TRPM4: variants seen among roughly 807,000 people sequenced by gnomAD.
TRPM4 encodes the protein calcium-activated non-selective cation channel 1.
TRPM4 carries 124 observed loss-of-function variants against 135.6 expected under a neutral mutation model. The ratio of observed to expected loss-of-function variants is 0.91; its 90% CI spans 0.79 to 1.06. The LOEUF is 1.06. Among genes scored for constraint, TRPM4 ranks in the 50% least tolerant of loss-of-function variants. TRPM4 has a pLI of 0.00. For missense variants in TRPM4, 1,658 were observed against 1,671.4 expected, an observed-to-expected ratio of 0.99 and a Z score of 0.14; for synonymous variants, 745 against 705.6, an observed-to-expected ratio of 1.06 and a Z score of -0.88.
chr19:49,188,705 AG>A lies in TRPM4; in HGVS notation c.1809del (p.Glu603AspfsTer34). ...CTGCTCCGGGTGATGGCACGCCTGG[AG>A]CCTGACGCTGAGGAGGCAGCACGGA... ...CLLLRVMARL[E>X]PDAEEAARRK... On this transcript the variant is annotated frameshift_variant, in exon 13 of 25. Coordinates refer to ENST00000252826, the MANE Select transcript of TRPM4 (RefSeq NM_017636.4). LOFTEE classifies it high-confidence loss of function. 2.5e-6 allele frequency: 4 copies of A among 1,614,012 alleles called. No individual in the cohort carries two copies. Among genetic ancestry groups the A allele is most frequent in the Non-Finnish European group, 3.4e-6 (4 of 1,180,020 alleles).
intron 20 of TRPM4, among the ~76,000 whole-genome samples, chr19:49,204,035 G>A (rs10406068): frequency 0.086 from 13,157 of 152,182 alleles, 550 homozygotes; most frequent in African/African-American, 0.12. Context: ...CACGAGAGTC[G>A]CTTGAACCCA....
In TRPM4 at chr19:49,171,982, A is replaced by G. The variant is rs757309027; in HGVS notation, c.1051-27A>G. 6.3e-7 allele frequency: 1 copy of G among 1,587,584 alleles called. No homozygotes were observed. On this transcript the variant is annotated intron_variant, in intron 8 of 24. Coordinates refer to ENST00000252826, the MANE Select transcript of TRPM4 (RefSeq NM_017636.4). This position sits in a 1 kb window ranked among gnomAD's most constrained non-coding sequence, Gnocchi z 4.7. ...CAGGAGTTGGGGATGGAGGCGGGCT[A>G]GGGATGCAGAACTGGCTATTCCACA...
At chr19:49,204,311 A>T (rs1969065771) in intron 20 of TRPM4, among the ~76,000 whole-genome samples, 1 of 152,164 alleles carries the variant, frequency 6.6e-6, no homozygotes, top group Non-Finnish European at 1.5e-5. Flanking sequence ...AATTCTATGT[A>T]TAGCTTTTTG....
At chr19:49,181,190 A>C (rs1048129523) in intron 9 of TRPM4, among the ~76,000 whole-genome samples, 159 bp from the exon 10 acceptor site, 1 of 152,170 alleles carries the variant, frequency 6.6e-6, no homozygotes, top group Non-Finnish European at 1.5e-5. Flanking sequence ...CCTTATGCCT[A>C]TGATAGCCTG....
chr19:49,168,942 T>C (rs1967346202), intron 6 of TRPM4, among the ~76,000 whole-genome samples: 1 of 151,606 alleles, frequency 6.6e-6, no homozygotes, highest in Non-Finnish European at 1.5e-5. Flanking sequence ...GAGGCCGAGG[T>C]AGGAGGATTG....
intron 17 of TRPM4, among the ~76,000 whole-genome samples, chr19:49,198,363 C>T (rs938226756): frequency 9.2e-5 from 14 of 152,140 alleles, no homozygotes; most frequent in African/African-American, 2.2e-4. Flanking sequence ...AAGGGAGAAA[C>T]GGGCCTGGCG....
In TRPM4 at chr19:49,184,452, CTTTTTTTT is replaced by C. The variant is rs67748057; in HGVS notation, c.1743+1259_1743+1266del. ...TTTGGTTCATTTCTGTCTCTGTAGTCTTTTTTTTTTTTTTTTTTTTTTTTTTGAGACAG... is the reference window on the plus strand; with the variant it reads ...TTTGGTTCATTTCTGTCTCTGTAGTCTTTTTTTTTTTTTTTTTTGAGACAG... On this transcript the variant is annotated intron_variant, in intron 12 of 24. Transcript: ENST00000252826. 2.3e-3 allele frequency among the ~76,000 whole-genome samples: 104 copies of C among 45,518 alleles called. No homozygotes were observed. In the South Asian group the frequency reaches 0.03, roughly 13 times the overall value. The allele number at this position is 45,518 out of a possible 152,430, so 29.9% of individuals were successfully genotyped here. A position where few individuals can be genotyped will look rare whatever the true frequency, so the allele number is the denominator to read the frequency against.
At chr19:49,188,133 C>T (rs1190989402) in intron 12 of TRPM4, among the ~76,000 whole-genome samples, 1 of 152,144 alleles carries the variant, frequency 6.6e-6, no homozygotes, top group Non-Finnish European at 1.5e-5. Flanking sequence ...GGGGAAAGGG[C>T]TATTATCAAT....
chr19:49,169,481 C>T, intron 6 of TRPM4, among the ~76,000 whole-genome samples: 1 of 150,232 alleles, frequency 6.7e-6, no homozygotes, highest in Non-Finnish European at 1.5e-5. Flanking sequence ...CGGGGTTTCA[C>T]CGTGTTAGCC....
chr19:49,172,085 T>C lies in TRPM4; in HGVS notation c.1127T>C (p.Ile376Thr), dbSNP rs2122839457. The C allele has an allele frequency of 1.9e-6, 3 of 1,613,896 alleles. No individual in the cohort carries two copies. The highest frequency in any genetic ancestry group is 2.5e-6 in the Non-Finnish European group (3 of 1,179,878). Residue 376 changes from isoleucine to threonine, a missense_variant, in exon 9 of 25, where the codon ATA becomes ACA. Physicochemically the swap from Ile to Thr is moderately conservative, Grantham distance 89. Transcript: ENST00000252826. ...SEDGSEEFET[I>T]VLKALVKACG... is the part of the protein sequence containing the mutation. The stretch of plus-strand genomic sequence containing the variant: ...GATGGGTCTGAGGAATTCGAGACCA[T>C]AGTTTTGAAGGCCCTTGTGAAGGGT...
rs1285330457 is a variant in TRPM4, at chr19:49,157,838, C to T, written c.-29C>T. 3 of 1,534,478 alleles carry T rather than the reference C, an allele frequency of 2.0e-6. No homozygotes were observed. The highest frequency in any genetic ancestry group is 2.4e-5 in the South Asian group (2 of 83,930). Reference sequence around the variant, plus strand: ...GCGGAGGGAGCGCCGGGGCCCTGGGCTGCAGGAGGTTGCGGCGGCCGCGGC... The same window carrying T: ...GCGGAGGGAGCGCCGGGGCCCTGGGTTGCAGGAGGTTGCGGCGGCCGCGGC... On this transcript the variant is annotated 5_prime_UTR_variant, in exon 1 of 25. Coordinates refer to ENST00000252826, the MANE Select transcript of TRPM4 (RefSeq NM_017636.4).
intron 6 of TRPM4, among the ~76,000 whole-genome samples, chr19:49,169,445 C>T (rs1195407143): frequency 5.8e-5 from 5 of 86,584 alleles, no homozygotes; most frequent in South Asian, 4.2e-4. Context: ...CCATCACACC[C>T]GGCTAATTTT....
intron 9 of TRPM4, among the ~76,000 whole-genome samples, chr19:49,180,428 C>CTGTGTG (rs71919979): frequency 0.016 from 2,099 of 131,294 alleles, 28 homozygotes; most frequent in Middle Eastern, 0.025. Context: ...TCATCATCTG[C>CTGTGTG]TGTGTGTGTG....
intron 12 of TRPM4, among the ~76,000 whole-genome samples, chr19:49,183,931 G>A (rs1408752378): frequency 2.6e-5 from 4 of 151,278 alleles, no homozygotes; most frequent in African/African-American, 7.3e-5. Flanking sequence ...CCGCCACCAC[G>A]CCCAGCTAAT....
In TRPM4 at chr19:49,196,764, C is replaced by T. The variant is rs560849729; in HGVS notation, c.2535C>T (p.Pro845=). Residue 845 remains proline (P), a synonymous_variant, in exon 17 of 25, where the codon CCC becomes CCT. Transcript: ENST00000252826. ...GGGGCAGCCTCGCCAGCGGGGGCCC[C>T]GGGCCTGGCCATGCCTCACTGAGCC... ...GGGGSLASGG[P]GPGHASLSQR... The T allele has an allele frequency of 1.3e-6, 2 of 1,553,862 alleles. No individual in the cohort carries two copies. Among genetic ancestry groups the T allele is most frequent in the Non-Finnish European group, 1.7e-6 (2 of 1,156,824 alleles).
intron 18 of TRPM4, 59 bp from the exon 19 acceptor site, chr19:49,200,552 A>G (rs1968882394): frequency 6.2e-7 from 1 of 1,602,954 alleles, no homozygotes. Flanking sequence ...TTTTTGGGAT[A>G]TAGGGGTGGG....
chr19:49,161,750 C>T (rs1286795007), intron 2 of TRPM4, among the ~76,000 whole-genome samples: 1 of 152,078 alleles, frequency 6.6e-6, no homozygotes, highest in Non-Finnish European at 1.5e-5. Flanking sequence ...CTGCCTCAGC[C>T]CCCCGAGTAG....
chr19:49,158,248 C>T lies in TRPM4; in HGVS notation c.81C>T (p.Ser27=), dbSNP rs372942488. The change falls in exon 2 of 25, where the codon TCC becomes TCT. Residue 27 remains serine, a synonymous_variant. Transcript: ENST00000252826. The part of the protein sequence containing the change: ...KKTCTTFIVD[S]TDPGGTLCQC... Reference sequence around the variant, plus strand: ...CCTGCACGACGTTCATAGTTGACTCCACAGATCCGGGGTGAGGAGTTCGCC... The same window carrying T: ...CCTGCACGACGTTCATAGTTGACTCTACAGATCCGGGGTGAGGAGTTCGCC... 17 of 1,613,776 alleles carry T rather than the reference C, an allele frequency of 1.1e-5. No homozygotes were observed. The African/African-American group carries it at 2.1e-4, about 20-fold the overall frequency.
Position 49,211,396 on chromosome 19 carries a change from C to T in TRPM4, c.3641-98C>T. 6 of 1,600,354 alleles carry T rather than the reference C, an allele frequency of 3.7e-6. No individual in the cohort carries two copies. In the South Asian group the frequency reaches 5.5e-5, roughly 15 times the overall value. Reference sequence around the variant, plus strand: ...TGGTCTCCTTTGAGCCTTTTGTACTCTCGCCTTCGTCTTTCTTCTTTTTTG... The same window carrying T: ...TGGTCTCCTTTGAGCCTTTTGTACTTTCGCCTTCGTCTTTCTTCTTTTTTG... On this transcript the variant is annotated intron_variant, in intron 24 of 24. Transcript: ENST00000252826. This position sits in a 1 kb window ranked among gnomAD's most constrained non-coding sequence, Gnocchi z 4.8.
Sources: allele counts gnomAD v4.1 joint callset (sites outside exome capture counted in the v4.1 genomes callset), GRCh38; gene constraint gnomAD v4.1.1; non-coding constraint Gnocchi (gnomAD v3.1); transcripts MANE v1.5; gene names NCBI Gene and HGNC (gene_info 2026-07-23, HGNC 2026-07-21).